Variants in KLF15 observed in about 807,000 individuals in gnomAD.
KLF15 encodes Krueppel-like factor 15.
Under a neutral mutation model 24.6 loss-of-function variants are expected in KLF15, and 4 were observed. The ratio of observed to expected loss-of-function variants is 0.16; its 90% CI spans 0.08 to 0.37. KLF15 has a LOEUF of 0.37. Among genes scored for constraint, KLF15 ranks in the 10% least tolerant of loss-of-function variants. The pLI is 1.00. For synonymous variants in KLF15, 246 were observed against 236.3 expected (o/e 1.04, Z -0.37); for missense variants, 496 against 560.6 (o/e 0.88, Z 1.16).
the KLF15 span, among the ~76,000 whole-genome samples, chr3:126,304,775 G>A: frequency 6.6e-6 from 1 of 152,208 alleles, no homozygotes; most frequent in Admixed American, 6.5e-5. Flanking sequence ...GGTTGGAAAC[G>A]GAAATCTGAG....
the KLF15 span, among the ~76,000 whole-genome samples, chr3:126,312,778 C>T: frequency 4.5e-3 from 681 of 152,308 alleles, 6 homozygotes; most frequent in African/African-American, 0.015. Context: ...TGCAAGTCCT[C>T]GATCAAGGTG....
At chr3:126,331,294 C>T in the KLF15 span, among the ~76,000 whole-genome samples, 1 of 152,208 alleles carries the variant, frequency 6.6e-6, no homozygotes, top group Non-Finnish European at 1.5e-5. Context: ...CAGTGATTAG[C>T]TTCCTCTCTG....
intron 1 of KLF15, 121 bp from the exon 2 acceptor site, chr3:126,353,068 C>A: frequency 8.7e-7 from 1 of 1,145,418 alleles, no homozygotes; most frequent in Non-Finnish European, 1.2e-6. Flanking sequence ...CGCCTGGATC[C>A]TGCTTCCATC....
chr3:126,321,514 T>G, the KLF15 span, among the ~76,000 whole-genome samples: 1 of 152,226 alleles, frequency 6.6e-6, no homozygotes, highest in African/African-American at 2.4e-5. Context: ...CACACATGCA[T>G]GCAGTCCAGA....
At chr3:126,311,595 C>G in the KLF15 span, among the ~76,000 whole-genome samples, 2 of 152,346 alleles carry the variant, frequency 1.3e-5, no homozygotes, top group South Asian at 2.1e-4. Context: ...CTGGAGCCAG[C>G]TCACTCACAA....
chr3:126,320,545 A>G, the KLF15 span, among the ~76,000 whole-genome samples: 2 of 152,222 alleles, frequency 1.3e-5, no homozygotes, highest in Admixed American at 6.5e-5. Flanking sequence ...CATGTGTTTG[A>G]GTTCACCTGG....
chr3:126,330,726 TC>T, the KLF15 span, among the ~76,000 whole-genome samples: 2 of 152,222 alleles, frequency 1.3e-5, no homozygotes, highest in Non-Finnish European at 2.9e-5. Context: ...TCTCATTATT[TC>T]TTGTACTTTT....
the KLF15 span, among the ~76,000 whole-genome samples, chr3:126,289,302 A>C: frequency 6.6e-6 from 1 of 152,392 alleles, no homozygotes; most frequent in South Asian, 2.1e-4. Context: ...AAACCTGGAA[A>C]CCGTAAAGGA....
At chr3:126,331,255 G>A in the KLF15 span, among the ~76,000 whole-genome samples, 36 of 152,256 alleles carry the variant, frequency 2.4e-4, no homozygotes, top group Admixed American at 7.8e-4. Flanking sequence ...GGTATAAGTC[G>A]CAGGCATCTG....
chr3:126,330,009 G>T, the KLF15 span, among the ~76,000 whole-genome samples: 1 of 152,154 alleles, frequency 6.6e-6, no homozygotes, highest in Non-Finnish European at 1.5e-5. Flanking sequence ...TTCTCACTGG[G>T]CTTGGCCGTA....
At chr3:126,350,537 C>T (rs1206405089) in intron 2 of KLF15, among the ~76,000 whole-genome samples, 1 of 152,238 alleles carries the variant, frequency 6.6e-6, no homozygotes, top group Non-Finnish European at 1.5e-5. Flanking sequence ...GCTCCCTGAC[C>T]ACAGCTCAGC....
In KLF15 at chr3:126,356,879, T is replaced by C. The variant is rs1377355054; in HGVS notation, c.-26+358A>G. The stretch of plus-strand genomic sequence containing the variant: ...GCCCCTCCGCCCCCCAACCCCGGGC[T>C]GGCCAGCGCGTCCGCTCTCCCCCTC... On this transcript the variant is annotated intron_variant, in intron 1 of 2. Coordinates refer to ENST00000296233, the MANE Select transcript of KLF15 (RefSeq NM_014079.4). The surrounding 1 kb of genome is among the most constrained non-coding windows in gnomAD (Gnocchi z 4.4). Among the ~76,000 whole-genome samples, 1 of 148,472 alleles carries C rather than the reference T, an allele frequency of 6.7e-6. No homozygotes were observed. The highest frequency in any genetic ancestry group is 1.5e-5 in the Non-Finnish European group (1 of 67,248).
At chr3:126,332,135 A>G in the KLF15 span, among the ~76,000 whole-genome samples, 2 of 152,136 alleles carry the variant, frequency 1.3e-5, no homozygotes, top group Non-Finnish European at 2.9e-5. Context: ...GACAAACAAA[A>G]AGACAGCAGT....
chr3:126,327,731 A>T, the KLF15 span, among the ~76,000 whole-genome samples: 16 of 152,160 alleles, frequency 1.1e-4, no homozygotes, highest in African/African-American at 3.9e-4. Context: ...ACATAATGTA[A>T]ATTTTATGCG....
chr3:126,309,470 G>C, the KLF15 span, among the ~76,000 whole-genome samples: 570 of 152,362 alleles, frequency 3.7e-3, 5 homozygotes, highest in African/African-American at 0.013. Context: ...CGACAGATTC[G>C]AGTTGGAGGT....
chr3:126,293,601 C>T, the KLF15 span, among the ~76,000 whole-genome samples: 1,718 of 152,274 alleles, frequency 0.011, 11 homozygotes, highest in Non-Finnish European at 0.017. Flanking sequence ...ATGCCTCTCA[C>T]CCCAGGGCTC....
chr3:126,330,471 G>A, the KLF15 span, among the ~76,000 whole-genome samples: 110 of 152,130 alleles, frequency 7.2e-4, 1 homozygote, highest in Admixed American at 6.1e-3. Flanking sequence ...CGGCCCTTCC[G>A]GACAGATAAT....
the KLF15 span, among the ~76,000 whole-genome samples, chr3:126,294,186 C>T: frequency 6.6e-6 from 1 of 152,160 alleles, no homozygotes; most frequent in South Asian, 2.1e-4. Context: ...TGGGCCAGAT[C>T]AGTGGGTGTG....
chr3:126,299,496 TC>T, the KLF15 span, among the ~76,000 whole-genome samples: 1 of 151,970 alleles, frequency 6.6e-6, no homozygotes, highest in Non-Finnish European at 1.5e-5. Flanking sequence ...ACGCCTGTAA[TC>T]CCAGCACTTT....
Sources: gnomAD v4.1 joint callset for allele counts (sites outside exome capture counted in the v4.1 genomes callset) on GRCh38, gnomAD v4.1.1 for gene constraint, Gnocchi (gnomAD v3.1) non-coding constraint, MANE v1.5 for transcripts, NCBI Gene and HGNC (gene_info 2026-07-23, HGNC 2026-07-21) for gene names.